The following UNC80 variants were observed in gnomAD, a reference collection of about 807,000 sequenced individuals.
The protein encoded by UNC80 is unc-80 subunit of NALCN channel complex, also known as protein unc-80 homolog.
UNC80 carries 164 observed loss-of-function variants against 384.6 expected under a neutral mutation model. The observed-to-expected ratio is 0.43, with a 90% CI of 0.38 to 0.49. The LOEUF (loss-of-function observed/expected upper bound fraction) is 0.49. UNC80 is among the 20% of genes least tolerant of loss of function. UNC80 has a pLI of 0.00. For missense variants in UNC80, 3,330 were observed against 4,143.0 expected, an observed-to-expected ratio of 0.80 and a Z score of 5.39; for synonymous variants, 1,486 against 1,527.8, an observed-to-expected ratio of 0.97 and a Z score of 0.64.
chr2:209,796,063 G>A (rs57305145), intron 7 of UNC80: 22,586 of 152,196 alleles, frequency 0.15, 2,464 homozygotes, highest in African/African-American at 0.3. Flanking sequence ...GCCTGTGAAA[G>A]CAGCCGAGAG....
intron 22 of UNC80, among the ~76,000 whole-genome samples, chr2:209,865,547 A>G (rs1164259049): frequency 1.3e-5 from 2 of 151,002 alleles, no homozygotes; most frequent in African/African-American, 4.9e-5. Flanking sequence ...GCTTGCAGTG[A>G]GCCGAGATCC....
intron 7 of UNC80, among the ~76,000 whole-genome samples, chr2:209,800,657 A>G (rs536270041): frequency 3.9e-5 from 6 of 152,146 alleles, no homozygotes; most frequent in Non-Finnish European, 8.8e-5. Flanking sequence ...TTAGCAGGTC[A>G]ATTTTAGATC....
chr2:209,991,800 T>C (rs1486391342), intron 61 of UNC80, among the ~76,000 whole-genome samples: 1 of 152,186 alleles, frequency 6.6e-6, no homozygotes, highest in East Asian at 1.9e-4. Flanking sequence ...GATAGAGTTG[T>C]TTGTGTTTGT....
At chr2:209,817,539 A>G (rs146984863) in intron 10 of UNC80, among the ~76,000 whole-genome samples, 103 of 152,074 alleles carry the variant, frequency 6.8e-4, no homozygotes, top group African/African-American at 2.0e-3. Context: ...AAATAGGCCA[A>G]TTTAAAATTG....
chr2:209,789,767 A>G (rs1017866040), intron 6 of UNC80, among the ~76,000 whole-genome samples, 162 bp downstream of exon 6: 1 of 152,096 alleles, frequency 6.6e-6, no homozygotes, highest in Non-Finnish European at 1.5e-5. Context: ...TATCAGTCGT[A>G]TGAAAATTAA....
chr2:209,975,635 T>C (rs1304419702), intron 56 of UNC80, among the ~76,000 whole-genome samples: 1 of 152,258 alleles, frequency 6.6e-6, no homozygotes, highest in East Asian at 1.9e-4. Context: ...TGTGCACTTC[T>C]TCATGGTTTT....
At chr2:209,887,141 A>G (rs2085885007) in intron 25 of UNC80, among the ~76,000 whole-genome samples, 1 of 152,070 alleles carries the variant, frequency 6.6e-6, no homozygotes, top group Admixed American at 6.5e-5. Flanking sequence ...GGTTCAAGCA[A>G]TTCTCCTGCC....
intron 7 of UNC80, chr2:209,808,824 C>T: frequency 1.9e-5 from 1 of 52,908 alleles, no homozygotes; most frequent in Non-Finnish European, 3.3e-5. Flanking sequence ...CTTTCCTCGT[C>T]AGGAAGCTCC....
chr2:209,846,580 G>A (rs2082187006), intron 21 of UNC80, among the ~76,000 whole-genome samples: 1 of 151,774 alleles, frequency 6.6e-6, no homozygotes, highest in African/African-American at 2.4e-5. Context: ...TAAAAAACAA[G>A]TAGGATATTT....
chr2:209,800,697 G>C (rs2078487707), intron 7 of UNC80, among the ~76,000 whole-genome samples: 1 of 152,118 alleles, frequency 6.6e-6, no homozygotes, highest in Non-Finnish European at 1.5e-5. Flanking sequence ...GACATTTAGT[G>C]CTATAAATCT....
chr2:209,849,330 GA>G, intron 21 of UNC80, 120 bp from the exon 22 acceptor site: 1 of 1,102,862 alleles, frequency 9.1e-7, no homozygotes, highest in Non-Finnish European at 1.3e-6. Context: ...TGGAGTGAAG[GA>G]GAAAGTTTTC....
chr2:209,982,235 G>A lies in UNC80; in HGVS notation c.9175G>A (p.Ala3059Thr). The A allele has an allele frequency of 6.4e-7, 1 of 1,551,554 alleles. No individual in the cohort carries two copies. Among genetic ancestry groups the A allele is most frequent in the Non-Finnish European group, 8.7e-7 (1 of 1,146,928 alleles). The change falls in exon 60 of 65, where the codon GCC becomes ACC. Residue 3059 changes from alanine to threonine, a missense_variant. Physicochemically the swap from Ala to Thr is moderately conservative, Grantham distance 58 (BLOSUM62 0). Around this residue, in one of 8 missense-constraint regions of UNC80, gnomAD observed 216 missense variants for 245.3 expected, o/e 0.88. Coordinates refer to ENST00000673920, the MANE Select transcript of UNC80 (RefSeq NM_001371986.1). ...TGAACAAGAAGCTTACCTCCTGAGT[G>A]CCATTGGAAGGAGGCGATTCTCCAG... ...VSEQEAYLLSAIGRRRFSSHV... is the reference protein window; with the variant it reads ...VSEQEAYLLSTIGRRRFSSHV...
chr2:209,945,369 C>A (rs1217189607), intron 46 of UNC80, among the ~76,000 whole-genome samples, 180 bp downstream of exon 46: 1 of 152,022 alleles, frequency 6.6e-6, no homozygotes, highest in Non-Finnish European at 1.5e-5. Flanking sequence ...TCTTAAATTT[C>A]TTATGAATCC....
At chr2:209,915,825 A>C (rs1316971215) in intron 31 of UNC80, among the ~76,000 whole-genome samples, 1 of 152,198 alleles carries the variant, frequency 6.6e-6, no homozygotes, top group Non-Finnish European at 1.5e-5. Context: ...TAGTAGTGTG[A>C]CTATCGTTAA....
chr2:209,804,117 A>T (rs2078732691), intron 7 of UNC80, among the ~76,000 whole-genome samples: 1 of 152,156 alleles, frequency 6.6e-6, no homozygotes, highest in African/African-American at 2.4e-5. Context: ...TACCTATGAG[A>T]TGTTACCAAA....
intron 55 of UNC80, among the ~76,000 whole-genome samples, chr2:209,972,576 G>T (rs1341222752): frequency 6.6e-6 from 1 of 152,174 alleles, no homozygotes; most frequent in Non-Finnish European, 1.5e-5. Flanking sequence ...AAAATCAGGG[G>T]AACAGTCATT....
At position 209,881,011 on chromosome 2, in the gene UNC80, G is replaced by T; in HGVS notation, c.4027G>T (p.Ala1343Ser). The T allele has an allele frequency of 6.4e-7, 1 of 1,551,968 alleles. No individual in the cohort carries two copies. Among genetic ancestry groups the T allele is most frequent in the Non-Finnish European group, 8.7e-7 (1 of 1,147,030 alleles). ...CGCPFALKMA[A>S]CQLLLEITTF... ...TTGCCCCTTTGCCTTGAAGATGGCAGCATGTCAGCTTCTTCTGGAGATTAC... is the reference window on the plus strand; with the variant it reads ...TTGCCCCTTTGCCTTGAAGATGGCATCATGTCAGCTTCTTCTGGAGATTAC... Residue 1343 changes from alanine to serine, a missense_variant, in exon 25 of 65, where the codon GCA (alanine) becomes TCA (serine). Transcript: ENST00000673920.
intron 16 of UNC80, among the ~76,000 whole-genome samples, chr2:209,833,247 T>G (rs1310058203): frequency 6.7e-6 from 1 of 149,268 alleles, no homozygotes; most frequent in African/African-American, 2.5e-5. Flanking sequence ...GGCTTCTGCA[T>G]TCTGCCTTGC....
At chr2:209,994,437 C>T (rs879433727) in intron 64 of UNC80, among the ~76,000 whole-genome samples, 173 bp downstream of exon 64, 10 of 152,170 alleles carry the variant, frequency 6.6e-5, no homozygotes, top group Admixed American at 6.5e-4. Context: ...AAAGTATAGC[C>T]AGGCATATAT....
Sources: gnomAD v4.1 joint callset for allele counts (sites outside exome capture counted in the v4.1 genomes callset) on GRCh38, gnomAD v4.1.1 for gene constraint, gnomAD v4.1.1 regional missense constraint, MANE v1.5 for transcripts, NCBI Gene and HGNC (gene_info 2026-07-23, HGNC 2026-07-21) for gene names.